The following TBC1D5 variants were observed in gnomAD, a reference collection of about 807,000 sequenced individuals.
The protein encoded by TBC1D5 is TBC1 domain family, member 5.
A neutral mutation model predicts 100.3 loss-of-function variants in TBC1D5; 75 were observed. The ratio of observed to expected loss-of-function variants is 0.75; its 90% CI spans 0.62 to 0.91. TBC1D5 has a LOEUF of 0.91. Ranked by LOEUF, TBC1D5 falls within the 40% of genes least tolerant of loss-of-function variation. The probability of loss-of-function intolerance (pLI) is 0.00; values close to 1 mark genes in which losing one functional copy is unlikely to be tolerated. For synonymous variants in TBC1D5, 323 were observed against 325.6 expected, an observed-to-expected ratio of 0.99 and a Z score of 0.09; for missense variants, 910 against 942.4, an observed-to-expected ratio of 0.97 and a Z score of 0.45.
intron 17 of TBC1D5, among the ~76,000 whole-genome samples, chr3:17,228,705 T>G (rs994597737): frequency 6.6e-6 from 1 of 152,050 alleles, no homozygotes; most frequent in Non-Finnish European, 1.5e-5. Flanking sequence ...TTTTTTTTTT[T>G]TGTAAGTTGC....
intron 3 of TBC1D5, among the ~76,000 whole-genome samples, chr3:17,450,576 T>G (rs2094902377): frequency 6.6e-6 from 1 of 151,982 alleles, no homozygotes; most frequent in Non-Finnish European, 1.5e-5. Flanking sequence ...GCACAAGAAC[T>G]TCGTGAAGCA....
chr3:17,637,604 AG>A (rs2064086438), intron 1 of TBC1D5, among the ~76,000 whole-genome samples: 2 of 152,224 alleles, frequency 1.3e-5, no homozygotes, highest in African/African-American at 4.8e-5. Context: ...AGTAGAAAAA[AG>A]GACAAAAAGT....
At chr3:17,343,362 G>A (rs1050176539) in intron 13 of TBC1D5, among the ~76,000 whole-genome samples, 65 of 151,934 alleles carry the variant, frequency 4.3e-4, no homozygotes, top group South Asian at 1.5e-3. Context: ...TGCTGGATTC[G>A]GTTTGCCAGT....
At chr3:17,342,527 A>C (rs1425433439) in intron 13 of TBC1D5, among the ~76,000 whole-genome samples, 1 of 152,226 alleles carries the variant, frequency 6.6e-6, no homozygotes, top group East Asian at 1.9e-4. Flanking sequence ...GAAAATATTT[A>C]ATCTACAACT....
At chr3:17,570,319 T>TC (rs1218427363) in intron 2 of TBC1D5, among the ~76,000 whole-genome samples, 1 of 151,962 alleles carries the variant, frequency 6.6e-6, no homozygotes, top group African/African-American at 2.4e-5. Flanking sequence ...GATTTTTTTT[T>TC]CCCCTAACAC....
rs1272782602 is a variant in TBC1D5 at position 17,369,167 on chromosome 3, G to A, written c.995+2908C>T. Among the ~76,000 whole-genome samples the A allele has an allele frequency of 2.0e-5, 3 of 152,064 alleles. No individual in the cohort carries two copies. In the East Asian group the frequency reaches 5.8e-4, roughly 29 times the overall value. Reference sequence around the variant, plus strand: ...TTCTATAGCATCACTTTAGAAAGCAGTGGTCTAAAACACGGCTATTATAAG... The same window carrying A: ...TTCTATAGCATCACTTTAGAAAGCAATGGTCTAAAACACGGCTATTATAAG... On this transcript the variant is annotated intron_variant, in intron 13 of 21. Coordinates refer to ENST00000253692, the Ensembl canonical transcript of TBC1D5.
intron 2 of TBC1D5, among the ~76,000 whole-genome samples, chr3:17,617,043 G>A (rs956489544): frequency 6.6e-6 from 1 of 152,130 alleles, no homozygotes; most frequent in Non-Finnish European, 1.5e-5. Flanking sequence ...TTCTTTCCAT[G>A]TTTACTGCTT....
intron 2 of TBC1D5, among the ~76,000 whole-genome samples, chr3:17,599,172 C>A (rs2060768798): frequency 6.6e-6 from 1 of 152,042 alleles, no homozygotes; most frequent in African/African-American, 2.4e-5. Context: ...GGGGGATGTT[C>A]CCCCACAAAG....
At chr3:17,566,410 AG>A (rs2096594023) in intron 2 of TBC1D5, among the ~76,000 whole-genome samples, 1 of 152,012 alleles carries the variant, frequency 6.6e-6, no homozygotes, top group Non-Finnish European at 1.5e-5. Flanking sequence ...TGAAGGTAAC[AG>A]GTAACAGAAG....
At chr3:17,218,722 T>C (rs1226041101) in intron 17 of TBC1D5, among the ~76,000 whole-genome samples, 4 of 152,070 alleles carry the variant, frequency 2.6e-5, no homozygotes, top group Non-Finnish European at 5.9e-5. Flanking sequence ...ACTTTGAATA[T>C]GTCATCCTAC....
At chr3:17,480,038 C>T (rs1181009706) in intron 3 of TBC1D5, among the ~76,000 whole-genome samples, 1 of 152,220 alleles carries the variant, frequency 6.6e-6, no homozygotes, top group Non-Finnish European at 1.5e-5. Flanking sequence ...CCTCTCCCTG[C>T]TCCTGGTGTC....
Position 17,654,611 on chromosome 3 carries a change from C to A in TBC1D5, c.-100-30698G>T, listed in dbSNP as rs184375730. On this transcript the variant is annotated intron_variant, in intron 1 of 21. Coordinates refer to ENST00000253692, the Ensembl canonical transcript of TBC1D5. The stretch of plus-strand genomic sequence containing the variant: ...ATCAATGTTCATCAAGGATATTGAT[C>A]TAAAATTGTCTTTTTTGGTTGTGTC... 5.3e-5 allele frequency among the ~76,000 whole-genome samples: 8 copies of A among 152,154 alleles called. No homozygotes were observed. The South Asian group carries it at 1.5e-3, about 28-fold the overall frequency.
chr3:17,389,445 G>A (rs922004410), intron 8 of TBC1D5, among the ~76,000 whole-genome samples: 7 of 152,058 alleles, frequency 4.6e-5, no homozygotes, highest in Non-Finnish European at 1.0e-4. Flanking sequence ...CAAAAGTGGT[G>A]GTGGAACACA....
chr3:17,281,321 C>G (rs993941115), intron 15 of TBC1D5, among the ~76,000 whole-genome samples: 4 of 152,042 alleles, frequency 2.6e-5, no homozygotes, highest in Non-Finnish European at 5.9e-5. Context: ...CTCTTTAAAA[C>G]CAGAAAAAAA....
intron 1 of TBC1D5, among the ~76,000 whole-genome samples, chr3:17,629,662 T>C (rs1296582033): frequency 1.3e-5 from 2 of 152,258 alleles, no homozygotes; most frequent in South Asian, 2.1e-4. Flanking sequence ...GTGATGTAAG[T>C]AGTCATATTA....
chr3:17,660,869 A>G (rs1279067515), intron 1 of TBC1D5, among the ~76,000 whole-genome samples: 2 of 152,204 alleles, frequency 1.3e-5, no homozygotes, highest in Non-Finnish European at 1.5e-5. Context: ...TAGTCTCTCA[A>G]AAATAAGTAC....
intron 13 of TBC1D5, among the ~76,000 whole-genome samples, chr3:17,314,176 G>C (rs1422256814): frequency 1.3e-5 from 2 of 152,246 alleles, no homozygotes; most frequent in East Asian, 3.9e-4. Context: ...ATGTTGTTTT[G>C]GTTTCTCTCT....
At chr3:17,226,187 C>G (rs1270394961) in intron 17 of TBC1D5, among the ~76,000 whole-genome samples, 1 of 150,750 alleles carries the variant, frequency 6.6e-6, no homozygotes, top group African/African-American at 2.4e-5. Flanking sequence ...GTATAGCACA[C>G]TGGGGTAAAT....
Position 17,372,080 on chromosome 3 carries a change from A to C in TBC1D5, c.990T>G (p.Tyr330Ter), listed in dbSNP as rs752019739. The stretch of plus-strand genomic sequence containing the variant: ...CAAAGAACTTTAATACTTACAACCC[A>C]TATATCTGTGGTGCAATTTCTAGTC... Residue 330 changes from tyrosine (Y) to a stop codon, truncating the protein, a stop_gained, in exon 13 of 22, where the codon TAT (tyrosine) becomes TAG (stop). Transcript: ENST00000253692. LOFTEE classifies it high-confidence loss of function. 2 of 1,476,724 alleles carry C rather than the reference A, an allele frequency of 1.4e-6. No individual in the cohort carries two copies. The highest frequency in any genetic ancestry group is 1.9e-6 in the Non-Finnish European group (2 of 1,077,958). The allele number at this position is 1,476,724 out of a possible 1,614,324, so 91.5% of individuals were successfully genotyped here.
Sources: gnomAD v4.1 joint callset for allele counts (sites outside exome capture counted in the v4.1 genomes callset) on GRCh38, gnomAD v4.1.1 for gene constraint, MANE v1.5 for transcripts, NCBI Gene and HGNC (gene_info 2026-07-23, HGNC 2026-07-21) for gene names.